The following AP2A2 variants were observed in gnomAD, a reference collection of about 807,000 sequenced individuals.
The protein encoded by AP2A2 is AP-2 complex subunit alpha-2.
In AP2A2, 32 loss-of-function variants were observed where a neutral mutation model predicts 104.2. The observed-to-expected ratio is 0.31, with a 90% CI of 0.23 to 0.41. AP2A2 has a LOEUF of 0.41. Ranked by LOEUF, AP2A2 falls within the 10% of genes least tolerant of loss-of-function variation. The pLI, the probability that AP2A2 is intolerant of heterozygous loss-of-function variation, is 1.00. For missense variants in AP2A2, 912 were observed against 1,261.0 expected (o/e 0.72, Z 4.19); for synonymous variants, 539 against 533.3 (o/e 1.01, Z -0.15).
intron 1 of AP2A2, among the ~76,000 whole-genome samples, chr11:947,171 C>T (rs1450887465): frequency 1.3e-5 from 2 of 151,950 alleles, no homozygotes; most frequent in African/African-American, 4.8e-5. Flanking sequence ...CCACCAGGCC[C>T]AGCTAATTTT....
At chr11:996,936 T>A (rs776602250) in intron 14 of AP2A2, among the ~76,000 whole-genome samples, 1 of 116,526 alleles carries the variant, frequency 8.6e-6, no homozygotes, top group Non-Finnish European at 2.0e-5. Flanking sequence ...TGGGCCCCTC[T>A]GTTCTGACCG....
chr11:947,803 A>G (rs1853903123), intron 1 of AP2A2, among the ~76,000 whole-genome samples: 1 of 152,130 alleles, frequency 6.6e-6, no homozygotes, highest in Admixed American at 6.6e-5. Flanking sequence ...TCTCTACAAA[A>G]AAAAATTAGC....
chr11:969,219 C>CTTTTTTTTTTTTTTTTT lies in AP2A2; in HGVS notation c.137-950_137-949insTTTTTTTTTTTTTTTTT, dbSNP rs1564799363. 1.5e-4 allele frequency among the ~76,000 whole-genome samples: 17 copies of CTTTTTTTTTTTTTTTTT among 112,812 alleles called. 8 individuals are homozygous for CTTTTTTTTTTTTTTTTT. The highest frequency in any genetic ancestry group is 9.8e-5 in the African/African-American group (3 of 30,460). The allele number at this position is 112,812 out of a possible 152,430, so 74.0% of individuals were successfully genotyped here. A position where few individuals can be genotyped will look rare whatever the true frequency, so the allele number is the denominator to read the frequency against. The stretch of plus-strand genomic sequence containing the variant: ...GAAACTCCTGGCAATGTAGAACAGC[C>CTTTTTTTTTTTTTTTTT]CTTTTTTTTTTTTTTTTTTTTTTTT... On this transcript the variant is annotated intron_variant, in intron 2 of 21. Transcript: ENST00000448903.
rs1444741723 is a variant in AP2A2, at chr11:925,911, GCTCCCCGGCGGCTC to G, written c.-106_-93del. The G allele has an allele frequency of 6.2e-6, 5 of 804,130 alleles. No homozygotes were observed. Among genetic ancestry groups the G allele is most frequent in the African/African-American group, 3.7e-5 (2 of 54,424 alleles). The allele number at this position is 804,130 out of a possible 1,614,324, so 49.8% of individuals were successfully genotyped here. A position where few individuals can be genotyped will look rare whatever the true frequency, so the allele number is the denominator to read the frequency against. On this transcript the variant is annotated 5_prime_UTR_variant, in exon 1 of 22. Coordinates refer to ENST00000448903, the MANE Select transcript of AP2A2 (RefSeq NM_012305.4). ...ACCCTGAGGCGGCCGTGGTTAGGCG[GCTCCCCGGCGGCTC>G]CTCCGCGGCGGTGACGGCGACCGCA...
In AP2A2 at chr11:947,742, T is replaced by A. The variant is rs928224151; in HGVS notation, c.68-11695T>A. ...CTTTTGGGAGACCAAGGTGGGAGGG[T>A]TTCTTAAAGCCAGGAGTTCGAGAGC... On this transcript the variant is annotated intron_variant, in intron 1 of 21. Coordinates refer to ENST00000448903, the MANE Select transcript of AP2A2 (RefSeq NM_012305.4). Among the ~76,000 whole-genome samples the A allele has an allele frequency of 9.3e-5, 14 of 150,730 alleles. No individual in the cohort carries two copies. The East Asian group carries it at 1.2e-3, about 13-fold the overall frequency.
intron 6 of AP2A2, among the ~76,000 whole-genome samples, chr11:981,933 T>C (rs1855256448): frequency 1.3e-5 from 2 of 152,280 alleles, no homozygotes; most frequent in African/African-American, 4.8e-5. Flanking sequence ...CCAGACCAGC[T>C]TCCCCTGCCG....
At chr11:1,010,337 G>A (rs1017909683) in intron 21 of AP2A2, 9 of 588,516 alleles carry the variant, frequency 1.5e-5, no homozygotes, top group African/African-American at 7.4e-5. Context: ...TTGCACTCCC[G>A]CCAGCTACGT....
At chr11:979,483 C>T (rs1001707910) in intron 5 of AP2A2, among the ~76,000 whole-genome samples, 7 of 152,070 alleles carry the variant, frequency 4.6e-5, no homozygotes, top group Non-Finnish European at 2.9e-5. Context: ...GGGAGAGTGC[C>T]GTGCTATAGT....
Position 992,167 on chromosome 11 carries a change from C to A in AP2A2, c.1270-336C>A, listed in dbSNP as rs536113217. Among the ~76,000 whole-genome samples, 1 of 151,984 alleles carries A rather than the reference C, an allele frequency of 6.6e-6. No homozygotes were observed. The highest frequency in any genetic ancestry group is 1.5e-5 in the Non-Finnish European group (1 of 68,000). On this transcript the variant is annotated intron_variant, in intron 10 of 21. Transcript: ENST00000448903. This position sits in a 1 kb window ranked among gnomAD's most constrained non-coding sequence, Gnocchi z 6.4. The stretch of plus-strand genomic sequence containing the variant: ...TCAGAGGTCAGAGGAGTGCTGCCAC[C>A]GGGAGCCTAGGGTGATGAGGTCAGA...
At chr11:949,200 C>T (rs1026754302) in intron 1 of AP2A2, among the ~76,000 whole-genome samples, 2 of 151,868 alleles carry the variant, frequency 1.3e-5, no homozygotes, top group Non-Finnish European at 2.9e-5. Context: ...CGCTTGAAAC[C>T]GAGAGGCGGA....
At chr11:960,097 G>C (rs942547909) in intron 2 of AP2A2, among the ~76,000 whole-genome samples, 2 of 152,156 alleles carry the variant, frequency 1.3e-5, no homozygotes, top group Non-Finnish European at 2.9e-5. Context: ...AGCTGAAATT[G>C]CCCAGGCACA....
At chr11:930,318 C>G (rs1853248672) in intron 1 of AP2A2, among the ~76,000 whole-genome samples, 1 of 151,958 alleles carries the variant, frequency 6.6e-6, no homozygotes, top group African/African-American at 2.4e-5. Context: ...CAAGCTCTGC[C>G]CCTCAAAGTT....
intron 14 of AP2A2, chr11:995,397 C>T (rs1481667749): frequency 2.2e-6 from 1 of 455,820 alleles, no homozygotes. Flanking sequence ...CAGCTGTTCC[C>T]CTCTGCACTG....
chr11:994,545 TG>T (rs1855781560), intron 14 of AP2A2, among the ~76,000 whole-genome samples: 3 of 140,984 alleles, frequency 2.1e-5, no homozygotes, highest in Admixed American at 2.1e-4. Context: ...GACGCCCCCC[TG>T]GCCTGTCCCG....
At chr11:997,430 G>C (rs1036599524) in intron 14 of AP2A2, among the ~76,000 whole-genome samples, 7 of 152,188 alleles carry the variant, frequency 4.6e-5, no homozygotes, top group African/African-American at 1.7e-4. Context: ...AGCCAGGCCT[G>C]CTCCCTGAGG....
chr11:973,422 G>C (rs1854901893), intron 4 of AP2A2, among the ~76,000 whole-genome samples: 1 of 152,212 alleles, frequency 6.6e-6, no homozygotes, highest in African/African-American at 2.4e-5. Context: ...TCAGCTGTGA[G>C]GCAAGGAGGA....
intron 21 of AP2A2, chr11:1,010,182 T>C: frequency 2.1e-6 from 1 of 477,686 alleles, no homozygotes. Context: ...ACCGCGTTGT[T>C]CCTTCTCACC....
chr11:960,270 T>G (rs1854385509), intron 2 of AP2A2, among the ~76,000 whole-genome samples: 1 of 147,874 alleles, frequency 6.8e-6, no homozygotes. Context: ...TGAGATGGAG[T>G]CTTGCTCTGT....
intron 6 of AP2A2, among the ~76,000 whole-genome samples, chr11:982,346 C>T (rs868318238): frequency 5.9e-5 from 9 of 152,164 alleles, no homozygotes; most frequent in African/African-American, 9.7e-5. Context: ...CCACCGCACC[C>T]GGCCTCTTTG....
Sources: gnomAD v4.1 joint callset for allele counts (sites outside exome capture counted in the v4.1 genomes callset) on GRCh38, gnomAD v4.1.1 for gene constraint, Gnocchi (gnomAD v3.1) non-coding constraint, MANE v1.5 for transcripts, NCBI Gene and HGNC (gene_info 2026-07-23, HGNC 2026-07-21) for gene names.